Variants in OSBP2 observed in about 807,000 individuals in gnomAD.
The protein encoded by OSBP2 is oxysterol binding protein 2, also known as oxysterol-binding protein 2.
In OSBP2, 66 loss-of-function variants were observed where a neutral mutation model predicts 96.0. The ratio of observed to expected loss-of-function variants is 0.69; its 90% CI spans 0.56 to 0.84. The LOEUF (loss-of-function observed/expected upper bound fraction) is 0.84. Ranked by LOEUF, OSBP2 falls within the 40% of genes least tolerant of loss-of-function variation. The pLI is 0.00. For synonymous variants in OSBP2, 525 were observed against 520.9 expected (o/e 1.01, Z -0.11); for missense variants, 1,038 against 1,222.7 (o/e 0.85, Z 2.25).
chr22:30,735,389 C>CT (rs1399159098), intron 1 of OSBP2, among the ~76,000 whole-genome samples: 8 of 135,432 alleles, frequency 5.9e-5, no homozygotes, highest in South Asian at 4.9e-4. Context: ...GTTTCTTCTT[C>CT]TTTTTTCTTC....
intron 2 of OSBP2, among the ~76,000 whole-genome samples, chr22:30,819,829 G>A (rs1042918355): frequency 3.9e-5 from 6 of 152,150 alleles, no homozygotes; most frequent in African/African-American, 1.2e-4. Flanking sequence ...TGAATAGACA[G>A]TGGGGCTAAG....
In OSBP2 at chr22:30,729,454, G is replaced by A. The variant is rs534095295; in HGVS notation, c.645-11707G>A. On this transcript the variant is annotated intron_variant, in intron 1 of 13. Transcript: ENST00000332585. ...GGAGCTTCTGACCAGCCTGGCCATCGTAATGAAACCCCGTCTCTACTAAAA... is the reference window on the plus strand; with the variant it reads ...GGAGCTTCTGACCAGCCTGGCCATCATAATGAAACCCCGTCTCTACTAAAA... Among the ~76,000 whole-genome samples the A allele has an allele frequency of 8.6e-5, 13 of 151,550 alleles. No individual in the cohort carries two copies. The South Asian group carries it at 1.9e-3, about 22-fold the overall frequency.
chr22:30,739,561 G>A (rs1201759560), intron 1 of OSBP2, among the ~76,000 whole-genome samples: 4 of 152,004 alleles, frequency 2.6e-5, no homozygotes, highest in Admixed American at 1.3e-4. Flanking sequence ...TGCAACCTCC[G>A]CCTCCCGGGT....
rs138405379 is a variant in OSBP2, at chr22:30,894,944, C to A, written c.2375+943C>A. 2.7e-3 allele frequency among the ~76,000 whole-genome samples: 413 copies of A among 152,232 alleles called. 3 individuals carry two copies. The highest frequency in any genetic ancestry group is 9.5e-3 in the African/African-American group (394 of 41,536). ...GCAAACAAAAAGCTTACTTTGGCAC[C>A]AGCAGACCTGCACAAAAGGATATAC... On this transcript the variant is annotated intron_variant, in intron 12 of 13. Transcript: ENST00000332585.
intron 1 of OSBP2, among the ~76,000 whole-genome samples, chr22:30,697,825 C>G (rs537100104): frequency 8.7e-4 from 133 of 152,304 alleles, no homozygotes; most frequent in African/African-American, 3.1e-3. Flanking sequence ...TTTATACGAT[C>G]CTGTGCCCTC....
chr22:30,876,351 G>A (rs1001085636), intron 3 of OSBP2, among the ~76,000 whole-genome samples: 5 of 152,306 alleles, frequency 3.3e-5, no homozygotes, highest in Middle Eastern at 3.4e-3. Context: ...TGGTGGGCCC[G>A]TGGGCAGGAC....
At chr22:30,814,174 C>T (rs1007763652) in intron 2 of OSBP2, among the ~76,000 whole-genome samples, 1 of 152,084 alleles carries the variant, frequency 6.6e-6, no homozygotes, top group Non-Finnish European at 1.5e-5. Context: ...TCAGCCTGGG[C>T]TGTCATCACA....
rs566901792 is a variant in OSBP2, at chr22:30,735,695, G to A, written c.645-5466G>A. Among the ~76,000 whole-genome samples, 38 of 151,970 alleles carry A rather than the reference G, an allele frequency of 2.5e-4. 1 individual carries two copies. The South Asian group carries it at 6.4e-3, about 26-fold the overall frequency. On this transcript the variant is annotated intron_variant, in intron 1 of 13. Coordinates refer to ENST00000332585, the MANE Select transcript of OSBP2 (RefSeq NM_030758.4). Reference sequence around the variant, plus strand: ...AAATACTTTTCATATTATTATGGCTGAAGCGATTCTTCTTCTTCTTCTTCT... The same window carrying A: ...AAATACTTTTCATATTATTATGGCTAAAGCGATTCTTCTTCTTCTTCTTCT...
chr22:30,902,327 G>A lies in OSBP2; in HGVS notation c.2376-3510G>A. 1.9e-6 allele frequency: 3 copies of A among 1,590,484 alleles called. No individual in the cohort carries two copies. In the South Asian group the frequency reaches 3.3e-5, roughly 18 times the overall value. Reference sequence around the variant, plus strand: ...GAGTGTACGGGTAGTCAGAGACAAAGACACAGATAAATTTAAAGGATTCTG... The same window carrying A: ...GAGTGTACGGGTAGTCAGAGACAAAAACACAGATAAATTTAAAGGATTCTG... On this transcript the variant is annotated intron_variant, in intron 12 of 13. Coordinates refer to ENST00000332585, the MANE Select transcript of OSBP2 (RefSeq NM_030758.4).
intron 2 of OSBP2, among the ~76,000 whole-genome samples, chr22:30,837,697 TGGTTCTAGGCA>T (rs2038664848): frequency 6.6e-6 from 1 of 152,160 alleles, no homozygotes; most frequent in South Asian, 2.1e-4. Context: ...GATTGTGATG[TGGTTCTAGGCA>T]GGTTCGGGGT....
chr22:30,839,003 C>T (rs1181244943), intron 2 of OSBP2, among the ~76,000 whole-genome samples: 1 of 114,166 alleles, frequency 8.8e-6, no homozygotes, highest in African/African-American at 3.3e-5. Context: ...CCCCCCTCCC[C>T]CCACCCCACA....
At chr22:30,740,112 T>A (rs1157464754) in intron 1 of OSBP2, among the ~76,000 whole-genome samples, 1 of 152,188 alleles carries the variant, frequency 6.6e-6, no homozygotes, top group African/African-American at 2.4e-5. Context: ...CCCAAAGTGC[T>A]GGGATTAAAG....
intron 2 of OSBP2, among the ~76,000 whole-genome samples, chr22:30,763,263 A>G (rs2145775986): frequency 6.6e-6 from 1 of 152,362 alleles, no homozygotes; most frequent in South Asian, 2.1e-4. Context: ...CTGCCCTGCT[A>G]AAACAGAATG....
chr22:30,888,501 G>A (rs2039867029), intron 5 of OSBP2, among the ~76,000 whole-genome samples, 161 bp downstream of exon 5: 1 of 152,200 alleles, frequency 6.6e-6, no homozygotes, highest in South Asian at 2.1e-4. Context: ...CCAAGGGTAA[G>A]AAGATTGCTT....
chr22:30,807,872 A>G (rs962354276), intron 2 of OSBP2, among the ~76,000 whole-genome samples: 6 of 152,160 alleles, frequency 3.9e-5, no homozygotes, highest in Non-Finnish European at 5.9e-5. Flanking sequence ...TGTAGCCTCA[A>G]CGTCCTGGGC....
upstream of OSBP2, chr22:30,694,858 C>T: frequency 1.2e-6 from 1 of 868,160 alleles, no homozygotes. Flanking sequence ...CCGCCCCCGG[C>T]CTGCCCCCCG....
intron 2 of OSBP2, among the ~76,000 whole-genome samples, chr22:30,836,498 C>T (rs1472186349): frequency 2.0e-5 from 3 of 152,190 alleles, no homozygotes; most frequent in Non-Finnish European, 4.4e-5. Context: ...ACCTTTCCTC[C>T]TTCCTTTTCT....
chr22:30,771,157 C>T (rs1231563315), intron 2 of OSBP2, among the ~76,000 whole-genome samples: 1 of 152,236 alleles, frequency 6.6e-6, no homozygotes, highest in African/African-American at 2.4e-5. Flanking sequence ...CCTCTCCCTG[C>T]CATCGGCAGG....
chr22:30,856,783 A>AT (rs1223814824), intron 2 of OSBP2, among the ~76,000 whole-genome samples: 7 of 151,976 alleles, frequency 4.6e-5, no homozygotes, highest in Admixed American at 6.6e-5. Flanking sequence ...CTTTTAGAAA[A>AT]AAAAAAAAAA....
Sources: gnomAD v4.1 joint callset for allele counts (sites outside exome capture counted in the v4.1 genomes callset) on GRCh38, gnomAD v4.1.1 for gene constraint, MANE v1.5 for transcripts, NCBI Gene and HGNC (gene_info 2026-07-23, HGNC 2026-07-21) for gene names.